The following SCD5 variants were observed in gnomAD, a reference collection of about 807,000 sequenced individuals.
SCD5 encodes acyl-CoA-desaturase 4.
A neutral mutation model predicts 30.4 loss-of-function variants in SCD5; 20 were observed. That is an observed-to-expected ratio of 0.66 (90% CI 0.46 to 0.96). The LOEUF is 0.96. SCD5 is among the 40% of genes least tolerant of loss of function. The pLI is 0.00. For synonymous variants in SCD5, 173 were observed against 176.4 expected, an observed-to-expected ratio of 0.98 and a Z score of 0.16; for missense variants, 381 against 443.3, an observed-to-expected ratio of 0.86 and a Z score of 1.26.
chr4:82,712,277 T>TATATACAC (rs1720118145), intron 1 of SCD5, among the ~76,000 whole-genome samples: 1 of 48,942 alleles, frequency 2.0e-5, no homozygotes, highest in African/African-American at 1.1e-4. Flanking sequence ...TATATATATA[T>TATATACAC]ATATATATAT....
intron 1 of SCD5, among the ~76,000 whole-genome samples, chr4:82,706,135 A>G (rs529034466): frequency 6.6e-6 from 1 of 152,376 alleles, no homozygotes; most frequent in African/African-American, 2.4e-5. Flanking sequence ...AACCTTGGTC[A>G]TGAGTCCATG....
intron 1 of SCD5, among the ~76,000 whole-genome samples, chr4:82,788,134 T>A (rs1376523596): frequency 6.6e-6 from 1 of 152,170 alleles, no homozygotes; most frequent in Non-Finnish European, 1.5e-5. Context: ...AGGCACCATA[T>A]ATGAATAAGG....
rs535883647 is a variant in SCD5 at position 82,765,864 on chromosome 4, C to A, written c.232+32442G>T. On this transcript the variant is annotated intron_variant, in intron 1 of 4. Coordinates refer to ENST00000319540, the MANE Select transcript of SCD5 (RefSeq NM_001037582.3). ...CATACTCCTGGCCTCAAGTGATCCG[C>A]CTGCCTTGGCCTCCCAAAGTGCTGG... Among the ~76,000 whole-genome samples the A allele has an allele frequency of 5.3e-3, 812 of 152,296 alleles. 6 individuals are homozygous for A. Among genetic ancestry groups the A allele is most frequent in the African/African-American group, 0.019 (777 of 41,564 alleles).
chr4:82,750,990 C>T (rs1300431496), intron 1 of SCD5, among the ~76,000 whole-genome samples: 1 of 152,192 alleles, frequency 6.6e-6, no homozygotes, highest in South Asian at 2.1e-4. Context: ...ACAGCACTTA[C>T]ATATTAACCT....
intron 1 of SCD5, among the ~76,000 whole-genome samples, chr4:82,747,017 G>A (rs1178462534): frequency 6.8e-6 from 1 of 146,738 alleles, no homozygotes; most frequent in East Asian, 2.0e-4. Context: ...AATGACACAG[G>A]CACCAAGGGG....
At position 82,631,257 on chromosome 4, in the gene SCD5, A is replaced by T; in HGVS notation, c.*70T>A. 2 of 1,421,086 alleles carry T rather than the reference A, an allele frequency of 1.4e-6. No individual in the cohort carries two copies. Among genetic ancestry groups the T allele is most frequent in the Non-Finnish European group, 1.9e-6 (2 of 1,032,896 alleles). The allele number at this position is 1,421,086 out of a possible 1,614,324, so 88.0% of individuals were successfully genotyped here. On this transcript the variant is annotated 3_prime_UTR_variant, in exon 5 of 5. Transcript: ENST00000319540. ...GCCCCCTCCCACGATCCAATGTACA[A>T]GAGAGCTATTGTAACCAAAGCCATG... is the stretch of plus-strand genomic sequence containing the variant.
intron 1 of SCD5, among the ~76,000 whole-genome samples, chr4:82,783,830 A>C (rs1721931284): frequency 6.6e-6 from 1 of 151,866 alleles, no homozygotes; most frequent in Non-Finnish European, 1.5e-5. Flanking sequence ...AAAAAATTAA[A>C]ATTAAAAAAA....
chr4:82,691,987 G>A (rs1027324765), intron 2 of SCD5: 3 of 152,342 alleles, frequency 2.0e-5, no homozygotes, highest in Admixed American at 2.0e-4. Context: ...GCATAATCAT[G>A]TTGTCCATGT....
chr4:82,740,965 C>T (rs10017255), intron 1 of SCD5, among the ~76,000 whole-genome samples: 2,425 of 150,930 alleles, frequency 0.016, 66 homozygotes, highest in African/African-American at 0.053. Flanking sequence ...GACAGGGTCT[C>T]GCTCTGTCAC....
chr4:82,701,861 G>A (rs1719849819), intron 2 of SCD5, among the ~76,000 whole-genome samples: 1 of 152,186 alleles, frequency 6.6e-6, no homozygotes, highest in Admixed American at 6.5e-5. Flanking sequence ...GCAGATGCAT[G>A]AGCGTGACAG....
intron 3 of SCD5, among the ~76,000 whole-genome samples, chr4:82,672,761 A>G (rs1728355764): frequency 1.3e-5 from 2 of 152,224 alleles, no homozygotes; most frequent in South Asian, 4.1e-4. Context: ...CAACAAACCA[A>G]TATTTTTCAT....
chr4:82,733,800 T>C (rs1029739696), intron 1 of SCD5, among the ~76,000 whole-genome samples: 15 of 152,096 alleles, frequency 9.9e-5, no homozygotes, highest in South Asian at 6.3e-4. Context: ...GGGAACATGG[T>C]TGATGAAAGC....
At chr4:82,784,960 C>T (rs1431149588) in intron 1 of SCD5, among the ~76,000 whole-genome samples, 1 of 152,190 alleles carries the variant, frequency 6.6e-6, no homozygotes, top group East Asian at 1.9e-4. Context: ...AACATTTTAA[C>T]AACTAGTAGA....
intron 3 of SCD5, among the ~76,000 whole-genome samples, chr4:82,668,666 G>T (rs1578013468): frequency 1.3e-5 from 2 of 152,306 alleles, no homozygotes; most frequent in South Asian, 2.1e-4. Context: ...GCTGAGCTCT[G>T]CTTACAGCAT....
chr4:82,663,869 G>A (rs527528837), intron 3 of SCD5, among the ~76,000 whole-genome samples: 1 of 152,342 alleles, frequency 6.6e-6, no homozygotes, highest in East Asian at 1.9e-4. Context: ...TTGAGGAAGA[G>A]CAGGAAACCT....
intron 1 of SCD5, among the ~76,000 whole-genome samples, chr4:82,780,847 C>T (rs896794133): frequency 3.9e-5 from 6 of 152,274 alleles, no homozygotes; most frequent in South Asian, 4.1e-4. Flanking sequence ...GCTGCTTCTC[C>T]GGGGCCTGCT....
intron 1 of SCD5, among the ~76,000 whole-genome samples, chr4:82,782,321 C>T (rs1376545399): frequency 6.6e-6 from 1 of 151,992 alleles, no homozygotes; most frequent in South Asian, 2.1e-4. Flanking sequence ...AGAATACAGA[C>T]ATACAGCAGA....
intron 1 of SCD5, among the ~76,000 whole-genome samples, chr4:82,722,788 C>T (rs186724877): frequency 0.021 from 3,176 of 150,644 alleles, 113 homozygotes; most frequent in African/African-American, 0.074. Context: ...GTATTCTCGG[C>T]TGGGCTCAGT....
At chr4:82,780,806 C>T (rs1290538940) in intron 1 of SCD5, among the ~76,000 whole-genome samples, 1 of 152,256 alleles carries the variant, frequency 6.6e-6, no homozygotes, top group Non-Finnish European at 1.5e-5. Flanking sequence ...ACCTGGCCAC[C>T]CCAGGAGGCC....
Sources: gnomAD v4.1 joint callset for allele counts (sites outside exome capture counted in the v4.1 genomes callset) on GRCh38, gnomAD v4.1.1 for gene constraint, MANE v1.5 for transcripts, NCBI Gene and HGNC (gene_info 2026-07-23, HGNC 2026-07-21) for gene names.